AIM2: variants seen among roughly 807,000 people sequenced by gnomAD.
The protein encoded by AIM2 is interferon-inducible protein AIM2.
AIM2 carries 30 observed loss-of-function variants against 27.7 expected under a neutral mutation model. The observed-to-expected ratio is 1.08, with a 90% CI of 0.81 to 1.47. AIM2 has a LOEUF of 1.47. AIM2 is among the 40% of genes most tolerant of loss of function. AIM2 has a pLI of 0.00. For missense variants in AIM2, 358 were observed against 411.3 expected, an observed-to-expected ratio of 0.87 and a Z score of 1.12; for synonymous variants, 141 against 145.3, an observed-to-expected ratio of 0.97 and a Z score of 0.21.
intron 1 of AIM2, among the ~76,000 whole-genome samples, chr1:159,087,828 C>A (rs1656954567): frequency 1.3e-5 from 2 of 152,006 alleles, no homozygotes; most frequent in Non-Finnish European, 2.9e-5. Context: ...CTATCTTGGC[C>A]CCCCAAAGTG....
chr1:159,080,609 T>C (rs551588652), upstream of AIM2, among the ~76,000 whole-genome samples: 19 of 152,290 alleles, frequency 1.2e-4, no homozygotes, highest in African/African-American at 4.6e-4. Flanking sequence ...GGGAAGCTTG[T>C]GAAAAATACG....
chr1:159,103,024 C>G (rs1657349498), intron 1 of AIM2, among the ~76,000 whole-genome samples: 1 of 151,990 alleles, frequency 6.6e-6, no homozygotes, highest in Admixed American at 6.5e-5. Context: ...CTCTGGGTCC[C>G]CACCCAAATC....
rs776790287 is a variant in AIM2 at position 159,062,695 on chromosome 1, T to C, written c.1029A>G (p.Thr343=). 1.2e-6 allele frequency: 2 copies of C among 1,613,224 alleles called. No homozygotes were observed. The highest frequency in any genetic ancestry group is 2.2e-5 in the South Asian group (2 of 90,960). ...TGAATTGGTCCTTTTTACTTCTCTA[T>C]GTTTTTTTTTTGGCCTTAATAACCT... The part of the protein sequence containing the change: ...TIKVIKAKKK[T] Residue 343 remains threonine (T), a synonymous_variant, in exon 6 of 6, where the codon ACA becomes ACG. Transcript: ENST00000368130.
At chr1:159,120,128 G>A (rs966318902) in intron 1 of AIM2, among the ~76,000 whole-genome samples, 1 of 151,866 alleles carries the variant, frequency 6.6e-6, no homozygotes, top group African/African-American at 2.4e-5. Flanking sequence ...GGATCCTGAT[G>A]TTATTAACCT....
intron 1 of AIM2, among the ~76,000 whole-genome samples, chr1:159,085,572 T>C (rs144980659): frequency 1.3e-5 from 2 of 152,178 alleles, no homozygotes; most frequent in Non-Finnish European, 2.9e-5. Context: ...TATATAAGCC[T>C]GGAGCTTAGA....
chr1:159,105,614 C>T (rs918611397), intron 1 of AIM2, among the ~76,000 whole-genome samples: 4 of 152,072 alleles, frequency 2.6e-5, no homozygotes, highest in Non-Finnish European at 2.9e-5. Context: ...CAGGTCGTCC[C>T]GATGAGTGTC....
At chr1:159,131,911 C>T (rs556384801) in intron 1 of AIM2, among the ~76,000 whole-genome samples, 21 of 152,248 alleles carry the variant, frequency 1.4e-4, no homozygotes, top group African/African-American at 3.6e-4. Flanking sequence ...ACAGGCAAGA[C>T]GTGGTATTTC....
At chr1:159,125,828 G>A (rs950231448) in intron 1 of AIM2, among the ~76,000 whole-genome samples, 4 of 152,078 alleles carry the variant, frequency 2.6e-5, no homozygotes, top group Non-Finnish European at 4.4e-5. Flanking sequence ...GGGTAAGGTC[G>A]GCCTGTGTGT....
intron 4 of AIM2, among the ~76,000 whole-genome samples, chr1:159,064,140 A>C (rs1655976245): frequency 1.3e-5 from 2 of 152,250 alleles, no homozygotes; most frequent in Admixed American, 1.3e-4. Context: ...AATTATATGC[A>C]GATTATCAAC....
chr1:159,126,573 T>C (rs1044038264), intron 1 of AIM2, among the ~76,000 whole-genome samples: 1 of 140,932 alleles, frequency 7.1e-6, no homozygotes, highest in Non-Finnish European at 1.5e-5. Flanking sequence ...GGCGTGAACC[T>C]GGGAGGCGAA....
chr1:159,069,291 C>G (rs1656249398), intron 2 of AIM2, among the ~76,000 whole-genome samples: 1 of 152,018 alleles, frequency 6.6e-6, no homozygotes, highest in African/African-American at 2.4e-5. Flanking sequence ...CACAGGTGTA[C>G]AGTCAAGAGA....
downstream of AIM2, among the ~76,000 whole-genome samples, chr1:159,059,754 C>T (rs1655771850): frequency 6.6e-6 from 1 of 152,146 alleles, no homozygotes; most frequent in African/African-American, 2.4e-5. Flanking sequence ...ACTGTACTTC[C>T]TAAGGACAAT....
the AIM2 span, among the ~76,000 whole-genome samples, chr1:159,056,323 T>G: frequency 1.3e-5 from 2 of 152,028 alleles, no homozygotes; most frequent in Non-Finnish European, 2.9e-5. Flanking sequence ...CAGTGCACAC[T>G]CCTCCCAGTG....
intron 1 of AIM2, among the ~76,000 whole-genome samples, chr1:159,086,724 T>C (rs1656921460): frequency 6.6e-6 from 1 of 152,226 alleles, no homozygotes; most frequent in Non-Finnish European, 1.5e-5. Flanking sequence ...AAATCCCTGC[T>C]CCACCAACCT....
chr1:159,123,292 C>T (rs531203975), intron 1 of AIM2, among the ~76,000 whole-genome samples: 40 of 152,310 alleles, frequency 2.6e-4, no homozygotes, highest in African/African-American at 9.1e-4. Context: ...CCTAAAGTCA[C>T]AAGACTTGCA....
At chr1:159,064,274 C>T (rs1194444059) in intron 4 of AIM2, among the ~76,000 whole-genome samples, 1 of 152,304 alleles carries the variant, frequency 6.6e-6, no homozygotes, top group African/African-American at 2.4e-5. Flanking sequence ...AGGAGGCAGA[C>T]GTGTCTTACT....
chr1:159,124,567 A>G (rs1233292746), intron 1 of AIM2, among the ~76,000 whole-genome samples: 1 of 152,256 alleles, frequency 6.6e-6, no homozygotes, highest in Non-Finnish European at 1.5e-5. Context: ...TAGGGCAACC[A>G]GATGCAAACA....
intron 1 of AIM2, among the ~76,000 whole-genome samples, chr1:159,084,778 T>TAC (rs113134051): frequency 0.058 from 7,792 of 135,052 alleles, 412 homozygotes; most frequent in African/African-American, 0.14. Context: ...CTGTCTGAAA[T>TAC]ACACACACAC....
intron 3 of AIM2, 62 bp downstream of exon 3, chr1:159,068,506 G>C (rs937437960): frequency 1.3e-6 from 2 of 1,526,676 alleles, no homozygotes; most frequent in African/African-American, 2.8e-5. Context: ...AACAATATGG[G>C]AAGTGACAGT....
Sources: gnomAD v4.1 joint callset for allele counts (sites outside exome capture counted in the v4.1 genomes callset) on GRCh38, gnomAD v4.1.1 for gene constraint, MANE v1.5 for transcripts, NCBI Gene and HGNC (gene_info 2026-07-23, HGNC 2026-07-21) for gene names.